ZZEF1: variants seen among roughly 807,000 people sequenced by gnomAD.
The protein encoded by ZZEF1 is zinc finger ZZ-type and EF-hand domain-containing protein 1.
In ZZEF1, 157 loss-of-function variants were observed where a neutral mutation model predicts 342.8. The ratio of observed to expected loss-of-function variants is 0.46; its 90% CI spans 0.40 to 0.52. The LOEUF is 0.52. ZZEF1 is among the 20% of genes least tolerant of loss of function. ZZEF1 has a pLI of 0.00. For synonymous variants in ZZEF1, 1,505 were observed against 1,429.1 expected, an observed-to-expected ratio of 1.05 and a Z score of -1.20; for missense variants, 3,480 against 3,725.6, an observed-to-expected ratio of 0.93 and a Z score of 1.72.
In ZZEF1 at chr17:4,049,695, A is replaced by C; in HGVS notation, c.6015+13T>G. ...CAACCTGTGATTCTGTGTAGTAAAGAATCGTCATTTACATTGCCTGCTTCT... is the reference window on the plus strand; with the variant it reads ...CAACCTGTGATTCTGTGTAGTAAAGCATCGTCATTTACATTGCCTGCTTCT... On this transcript the variant is annotated intron_variant, in intron 37 of 54. Transcript: ENST00000381638. The C allele has an allele frequency of 1.2e-6, 2 of 1,613,954 alleles. No homozygotes were observed. The highest frequency in any genetic ancestry group is 4.5e-5 in the East Asian group (2 of 44,872).
intron 45 of ZZEF1, among the ~76,000 whole-genome samples, chr17:4,020,867 T>C (rs2056250882): frequency 6.6e-6 from 1 of 152,246 alleles, no homozygotes; most frequent in Non-Finnish European, 1.5e-5. Context: ...AAATTTTACA[T>C]ACATGTTTGA....
At chr17:4,024,863 A>G (rs2056366963) in intron 43 of ZZEF1, 56 bp downstream of exon 43, 2 of 1,516,358 alleles carry the variant, frequency 1.3e-6, no homozygotes, top group Non-Finnish European at 1.8e-6. Flanking sequence ...GTTAATCCCC[A>G]TGCAGATGTC....
At chr17:4,112,038 ATATATATATATATATATAT>A (rs2058313817) in intron 5 of ZZEF1, among the ~76,000 whole-genome samples, 1 of 4,540 alleles carries the variant, frequency 2.2e-4, no homozygotes, top group African/African-American at 1.2e-3. Flanking sequence ...GTCTAAATAT[ATATATATATATATATATAT>A]ATATATATAT....
chr17:4,086,656 C>A lies in ZZEF1; in HGVS notation c.2343-1G>T. ...GGCAGAGACGCATTCTTCCCTCGGG[C>A]TACAGAAAGACAAAAAACATCAGAG... On this transcript the variant is annotated splice_acceptor_variant, in intron 14 of 54. Transcript: ENST00000381638. LOFTEE classifies it high-confidence loss of function. 2 of 1,613,400 alleles carry A rather than the reference C, an allele frequency of 1.2e-6. No homozygotes were observed. Among genetic ancestry groups the A allele is most frequent in the Non-Finnish European group, 1.7e-6 (2 of 1,179,966 alleles).
chr17:4,104,714 C>A lies in ZZEF1; in HGVS notation c.1492G>T (p.Asp498Tyr), dbSNP rs890159774. Residue 498 changes from aspartate to tyrosine, a missense_variant, in exon 8 of 55, where the codon GAC (aspartate) becomes TAC (tyrosine). Asp to Tyr is a radical substitution (Grantham distance 160, BLOSUM62 -3). This residue lies in a region of ZZEF1 where 1,528 missense variants were observed against 1,624.1 expected (regional missense o/e 0.94). Coordinates refer to ENST00000381638, the MANE Select transcript of ZZEF1 (RefSeq NM_015113.4). ...KVMSSLCTIT[D>Y]HLDTQYDASS... ...GCATCATACTGCGTGTCCAGATGGT[C>A]AGTGATGGTGCATAGAGAGCTCATG... The A allele has an allele frequency of 1.2e-6, 2 of 1,614,000 alleles. No individual in the cohort carries two copies. Among genetic ancestry groups the A allele is most frequent in the African/African-American group, 1.3e-5 (1 of 74,906 alleles).
At chr17:4,048,707 A>G (rs1039510970) in intron 37 of ZZEF1, among the ~76,000 whole-genome samples, 4 of 151,934 alleles carry the variant, frequency 2.6e-5, no homozygotes, top group African/African-American at 9.7e-5. Flanking sequence ...ATGGGCTAGG[A>G]ATGACTTTTT....
chr17:4,090,911 C>T (rs1355334045), intron 11 of ZZEF1, 81 bp from the exon 12 acceptor site: 13 of 1,049,152 alleles, frequency 1.2e-5, no homozygotes, highest in Admixed American at 1.1e-4. Context: ...ATCTAAGTGA[C>T]ATGTAACTTG....
Position 4,123,817 on chromosome 17 carries a change from C to T in ZZEF1, c.499+90G>A, listed in dbSNP as rs1462710033. On this transcript the variant is annotated intron_variant, in intron 2 of 54. Transcript: ENST00000381638. ...TAATGAACACTGTTGGGGGAGTTTA[C>T]TGCATGTGGCCACAATTTTGCCTAA... The T allele has an allele frequency of 1.8e-5, 27 of 1,461,718 alleles. 1 individual carries two copies. The South Asian group carries it at 3.0e-4, about 16-fold the overall frequency. 90.5% of individuals were successfully genotyped at this position (1,461,718 alleles called of 1,614,324 possible). A position where few individuals can be genotyped will look rare whatever the true frequency, so the allele number is the denominator to read the frequency against.
intron 42 of ZZEF1, among the ~76,000 whole-genome samples, chr17:4,025,412 C>T (rs144421061): frequency 2.5e-4 from 38 of 152,238 alleles, no homozygotes; most frequent in African/African-American, 6.0e-4. Flanking sequence ...TGAGGCCGGA[C>T]GTGGTGGCTC....
rs535162662 is a variant in ZZEF1, at chr17:4,085,715, G to A, written c.2601C>T (p.Phe867=). The change falls in exon 16 of 55, where the codon TTC becomes TTT. Residue 867 remains phenylalanine, a synonymous_variant. Coordinates refer to ENST00000381638, the MANE Select transcript of ZZEF1 (RefSeq NM_015113.4). The part of the protein sequence containing the change: ...RNTLLNGAAI[F]FPNRQTRRNH... ...TCCGTCGGGTCTGTCGATTAGGAAA[G>A]AAGATGGCAGCCCCATTGAGAAGGG... 6.2e-7 allele frequency: 1 copy of A among 1,614,158 alleles called. No individual in the cohort carries two copies. The highest frequency in any genetic ancestry group is 8.5e-7 in the Non-Finnish European group (1 of 1,180,004).
chr17:4,072,456 T>A (rs977137592), intron 25 of ZZEF1, 152 bp downstream of exon 25: 4 of 950,642 alleles, frequency 4.2e-6, no homozygotes, highest in Non-Finnish European at 5.9e-6. Context: ...CACGGTGGCG[T>A]TAACAAGTTA....
chr17:4,040,895 G>A (rs969484984), intron 39 of ZZEF1, among the ~76,000 whole-genome samples: 1 of 152,164 alleles, frequency 6.6e-6, no homozygotes, highest in African/African-American at 2.4e-5. Flanking sequence ...ATTGCAGAAG[G>A]GCCCTACCCC....
intron 45 of ZZEF1, 125 bp downstream of exon 45, chr17:4,021,004 A>C: frequency 1.0e-6 from 1 of 1,001,814 alleles, no homozygotes; most frequent in African/African-American, 1.6e-5. Context: ...CTGAGTCTTT[A>C]GGAAGTGAAT....
At chr17:4,082,569 C>T (rs1265463279) in intron 16 of ZZEF1, 65 bp from the exon 17 acceptor site, 23 of 1,509,898 alleles carry the variant, frequency 1.5e-5, no homozygotes, top group East Asian at 4.7e-5. Context: ...AGACCTAGAG[C>T]GGCAATGAAA....
Position 4,034,429 on chromosome 17 carries a change from A to G in ZZEF1, c.6307-137T>C, listed in dbSNP as rs560865045. On this transcript the variant is annotated intron_variant, in intron 39 of 54. Coordinates refer to ENST00000381638, the MANE Select transcript of ZZEF1 (RefSeq NM_015113.4). ...CATGCTTGTAGCTTTCATAAATGCC[A>G]TATGTATAATCACTTACAAAATAAA... 118 of 791,406 alleles carry G rather than the reference A, an allele frequency of 1.5e-4. No homozygotes were observed. The Middle Eastern group carries it at 1.7e-3, about 12-fold the overall frequency. 49.0% of individuals were successfully genotyped at this position (791,406 alleles called of 1,614,324 possible).
At chr17:4,136,999 A>G (rs148427875) in intron 1 of ZZEF1, among the ~76,000 whole-genome samples, 2 of 151,754 alleles carry the variant, frequency 1.3e-5, no homozygotes, top group African/African-American at 4.8e-5. Flanking sequence ...GGAGAAGGAG[A>G]GCAAAGGACA....
In ZZEF1 at chr17:4,095,838, T is replaced by G; in HGVS notation, c.1906A>C (p.Lys636Gln). Residue 636 changes from lysine (K) to glutamine (Q), a missense_variant, in exon 11 of 55, where the codon AAA (lysine) becomes CAA (glutamine). Transcript: ENST00000381638. ...GATTTTTTACCTTCTTACCTGCTTTTTACAAATTGCCTGAGCTCCTGAAGC... is the reference window on the plus strand; with the variant it reads ...GATTTTTTACCTTCTTACCTGCTTTGTACAAATTGCCTGAGCTCCTGAAGC... The part of the protein sequence containing the change: ...WKLQELRQFV[K>Q]SRIGCSSDDL... The G allele has an allele frequency of 6.2e-7, 1 of 1,607,294 alleles. No individual in the cohort carries two copies. Among genetic ancestry groups the G allele is most frequent in the Non-Finnish European group, 8.5e-7 (1 of 1,177,080 alleles).
At chr17:4,104,861 C>T in intron 7 of ZZEF1, 50 bp from the exon 8 acceptor site, 5 of 1,551,190 alleles carry the variant, frequency 3.2e-6, no homozygotes, top group Non-Finnish European at 2.6e-6. Flanking sequence ...ATGAAAAAAT[C>T]CAGGTAGCTC....
intron 29 of ZZEF1, 88 bp from the exon 30 acceptor site, chr17:4,063,005 A>T: frequency 7.4e-7 from 1 of 1,355,574 alleles, no homozygotes; most frequent in Non-Finnish European, 9.9e-7. Context: ...CTGATGCCAT[A>T]TATCAAAGAG....
Sources: allele counts gnomAD v4.1 joint callset (sites outside exome capture counted in the v4.1 genomes callset), GRCh38; gene constraint gnomAD v4.1.1; regional missense constraint gnomAD v4.1.1; transcripts MANE v1.5; gene names NCBI Gene and HGNC (gene_info 2026-07-23, HGNC 2026-07-21).